Variants in ABCA4 observed in about 807,000 individuals in gnomAD.
ABCA4 encodes the protein retinal-specific phospholipid-transporting ATPase ABCA4.
A neutral mutation model predicts 263.7 loss-of-function variants in ABCA4; 196 were observed. The observed-to-expected ratio is 0.74, with a 90% CI of 0.66 to 0.84. The LOEUF is 0.84. Ranked by LOEUF, ABCA4 falls within the 40% of genes least tolerant of loss-of-function variation. The probability of loss-of-function intolerance (pLI) is 0.00; values close to 1 mark genes in which losing one functional copy is unlikely to be tolerated. For synonymous variants in ABCA4, 1,133 were observed against 1,094.2 expected (o/e 1.04, Z -0.70); for missense variants, 2,792 against 2,855.1 (o/e 0.98, Z 0.50).
At chr1:94,005,900 G>T (rs1312715555) in intron 43 of ABCA4, among the ~76,000 whole-genome samples, 1 of 152,172 alleles carries the variant, frequency 6.6e-6, no homozygotes, top group Non-Finnish European at 1.5e-5. Context: ...TTAAGAAAAT[G>T]ATTCATGATT....
intron 1 of ABCA4, among the ~76,000 whole-genome samples, chr1:94,114,086 T>C (rs1322788709): frequency 6.6e-6 from 1 of 152,126 alleles, no homozygotes; most frequent in Non-Finnish European, 1.5e-5. Context: ...GAATAGCAAG[T>C]TTAATAGATC....
chr1:94,103,270 T>A, intron 4 of ABCA4, 128 bp from the exon 5 acceptor site: 1 of 1,186,078 alleles, frequency 8.4e-7, no homozygotes, highest in Non-Finnish European at 1.2e-6. Context: ...TTGGGGTCTC[T>A]GGGAGCCCCT....
intron 36 of ABCA4, chr1:94,018,574 C>CA (rs1328719811): frequency 2.2e-6 from 1 of 455,506 alleles, no homozygotes; most frequent in African/African-American, 2.0e-5. Flanking sequence ...CAATATTCAC[C>CA]ATCATTTTAA....
intron 6 of ABCA4, among the ~76,000 whole-genome samples, chr1:94,096,766 G>A (rs927205244): frequency 3.9e-5 from 6 of 152,168 alleles, no homozygotes; most frequent in African/African-American, 1.2e-4. Context: ...TCATGTCCTG[G>A]GAGGTAAATT....
chr1:94,017,686 C>T (rs977083515), intron 36 of ABCA4, among the ~76,000 whole-genome samples: 11 of 151,788 alleles, frequency 7.2e-5, no homozygotes, highest in African/African-American at 2.7e-4. Flanking sequence ...GGTGTATCCT[C>T]GTTTGTAGGA....
chr1:94,113,118 A>G (rs762446541), intron 1 of ABCA4, 52 bp from the exon 2 acceptor site: 2 of 1,563,464 alleles, frequency 1.3e-6, no homozygotes, highest in Non-Finnish European at 1.8e-6. Flanking sequence ...AAGAGATTAT[A>G]GAAAACGTAA....
intron 14 of ABCA4, among the ~76,000 whole-genome samples, chr1:94,058,090 T>C (rs972179922): frequency 6.6e-6 from 1 of 152,066 alleles, no homozygotes; most frequent in Admixed American, 6.5e-5. Flanking sequence ...TCCTTTCTGC[T>C]CTCCTGCCTG....
At chr1:94,025,799 C>A (rs576815042) in intron 30 of ABCA4, among the ~76,000 whole-genome samples, 13 of 152,132 alleles carry the variant, frequency 8.5e-5, no homozygotes, top group Admixed American at 7.2e-4. Context: ...GATCTGTTTA[C>A]GTATTTGTAT....
At chr1:94,019,841 G>C in intron 35 of ABCA4, 82 bp from the exon 36 acceptor site, 1 of 1,505,540 alleles carries the variant, frequency 6.6e-7, no homozygotes. Context: ...TCAGGCTTTG[G>C]GAAGGCCTTA....
intron 30 of ABCA4, among the ~76,000 whole-genome samples, chr1:94,028,517 G>A (rs563642445): frequency 5.9e-5 from 9 of 152,336 alleles, no homozygotes; most frequent in African/African-American, 1.9e-4. Flanking sequence ...TAATAAGTGT[G>A]TAAACACATT....
rs749156523 is a variant in ABCA4, at chr1:94,001,018, C to T, written c.6370G>A (p.Val2124Ile). The change falls in exon 46 of 50, where the codon GTC (valine) becomes ATC (isoleucine). Residue 2124 changes from valine to isoleucine, a missense_variant. Coordinates refer to ENST00000370225, the MANE Select transcript of ABCA4 (RefSeq NM_000350.3). ...ATCTCTTGCCTGTGGGATGTGAGGA[C>T]CACAGCCCTCCCTTCTCTGATGATG... is the stretch of plus-strand genomic sequence containing the variant. The part of the protein sequence containing the change: ...VSIIREGRAV[V>I]LTSHSMEECE... 2 of 1,614,002 alleles carry T rather than the reference C, an allele frequency of 1.2e-6. No individual in the cohort carries two copies. Among genetic ancestry groups the T allele is most frequent in the East Asian group, 2.2e-5 (1 of 44,876 alleles).
intron 38 of ABCA4, among the ~76,000 whole-genome samples, chr1:94,013,271 C>T (rs1307230172): frequency 6.6e-6 from 1 of 152,178 alleles, no homozygotes; most frequent in African/African-American, 2.4e-5. Context: ...TCTTATCATT[C>T]ATGGGACAGA....
rs761945060 is a variant in ABCA4, at chr1:94,046,958, G to A, written c.2879C>T (p.Ala960Val). ...CCCAGCTCCATTGTGGCCCAGGAATGCGGTGATCTGGTTCTCGTAGAAGGT... is the reference window on the plus strand; with the variant it reads ...CCCAGCTCCATTGTGGCCCAGGAATACGGTGATCTGGTTCTCGTAGAAGGT... Reference protein sequence around the residue: ...NITFYENQITAFLGHNGAGKT... With the variant: ...NITFYENQITVFLGHNGAGKT... Residue 960 changes from alanine (A) to valine (V), a missense_variant, in exon 19 of 50, where the codon GCA (alanine) becomes GTA (valine). Coordinates refer to ENST00000370225, the MANE Select transcript of ABCA4 (RefSeq NM_000350.3). 2.0e-5 allele frequency: 32 copies of A among 1,614,182 alleles called. No homozygotes were observed. Among genetic ancestry groups the A allele is most frequent in the East Asian group, 6.7e-5 (3 of 44,882 alleles).
intron 6 of ABCA4, among the ~76,000 whole-genome samples, chr1:94,093,057 C>T (rs949864688): frequency 1.3e-5 from 2 of 152,144 alleles, no homozygotes; most frequent in African/African-American, 4.8e-5. Context: ...CTCTCAGCCA[C>T]TAAGAGATGC....
chr1:94,070,505 A>G (rs1172331711), intron 11 of ABCA4, among the ~76,000 whole-genome samples: 4 of 152,174 alleles, frequency 2.6e-5, no homozygotes, highest in African/African-American at 9.7e-5. Flanking sequence ...TTCAACCTTT[A>G]CAGCCCAGAG....
intron 27 of ABCA4, among the ~76,000 whole-genome samples, 185 bp from the exon 28 acceptor site, chr1:94,031,305 AAAACAG>A (rs1326663830): frequency 2.0e-5 from 3 of 152,236 alleles, no homozygotes; most frequent in Non-Finnish European, 4.4e-5. Context: ...TGTGCAGAAG[AAAACAG>A]AATGTTCTGG....
At chr1:94,074,447 G>T (rs770315772) in intron 11 of ABCA4, among the ~76,000 whole-genome samples, 1 of 152,190 alleles carries the variant, frequency 6.6e-6, no homozygotes, top group East Asian at 1.9e-4. Context: ...CAGGACATAC[G>T]CATGGGCAAA....
Position 94,080,608 on chromosome 1 carries a change from C to G in ABCA4, c.969G>C (p.Leu323=). The part of the protein sequence containing the change: ...TKLMGILSDL[L]CGYPEGGGSR... ...AGCCACCTCCCTCGGGGTAGCCACA[C>G]AGGAGGTCAGACAGGATGCCCATCA... is the stretch of plus-strand genomic sequence containing the variant. The change falls in exon 8 of 50, where the codon CTG becomes CTC. Residue 323 remains leucine (L), a synonymous_variant. Coordinates refer to ENST00000370225, the MANE Select transcript of ABCA4 (RefSeq NM_000350.3). 2 of 1,614,190 alleles carry G rather than the reference C, an allele frequency of 1.2e-6. No homozygotes were observed. Among genetic ancestry groups the G allele is most frequent in the Non-Finnish European group, 1.7e-6 (2 of 1,180,040 alleles).
chr1:94,072,649 G>C (rs1231012815), intron 11 of ABCA4, among the ~76,000 whole-genome samples: 1 of 152,164 alleles, frequency 6.6e-6, no homozygotes, highest in African/African-American at 2.4e-5. Context: ...ACACATACCA[G>C]TTTAAGATAT....
Sources: gnomAD v4.1 joint callset for allele counts (sites outside exome capture counted in the v4.1 genomes callset) on GRCh38, gnomAD v4.1.1 for gene constraint, MANE v1.5 for transcripts, NCBI Gene and HGNC (gene_info 2026-07-23, HGNC 2026-07-21) for gene names.